The following BCORL1 variants were observed in gnomAD, a reference collection of about 807,000 sequenced individuals.
BCORL1 encodes the protein BCL6 corepressor like 1.
Under a neutral mutation model 87.6 loss-of-function variants are expected in BCORL1, and 7 were observed. The observed-to-expected ratio is 0.08, with a 90% CI of 0.05 to 0.15. The LOEUF is 0.15. BCORL1 is among the 10% of genes least tolerant of loss of function. The probability of loss-of-function intolerance (pLI) is 1.00; values close to 1 mark genes in which losing one functional copy is unlikely to be tolerated. For synonymous variants in BCORL1, 591 were observed against 634.4 expected, an observed-to-expected ratio of 0.93 and a Z score of 1.03; for missense variants, 1,215 against 1,499.7, an observed-to-expected ratio of 0.81 and a Z score of 3.13.
chrX:130,022,236 CTTTTTTTTTTTTTTT>C (rs34598574), intron 5 of BCORL1, among the ~76,000 whole-genome samples: 2 of 56,312 alleles, frequency 3.6e-5, no homozygotes, highest in Middle Eastern at 0.011. Context: ...TTCTTTCTTT[CTTTTTTTTTTTTTTT>C]TTTTTTTTTT....
chrX:130,013,852 A>C lies in BCORL1; in HGVS notation c.1080A>C (p.Pro360=). 8.6e-7 allele frequency: 1 copy of C among 1,160,416 alleles called. No homozygotes were observed. The highest frequency in any genetic ancestry group is 1.1e-6 in the Non-Finnish European group (1 of 871,162). The change falls in exon 4 of 14, where the codon CCA becomes CCC. Residue 360 remains proline, a synonymous_variant. Transcript: ENST00000540052. ...PAPPSVPMPT[P]TPSSGPPSTP... ...CTCCGTCTGTGCCCATGCCCACTCCAACCCCATCTTCCGGCCCACCTTCTA... is the reference window on the plus strand; with the variant it reads ...CTCCGTCTGTGCCCATGCCCACTCCCACCCCATCTTCCGGCCCACCTTCTA...
rs1930826668 is a variant in BCORL1, at chrX:130,034,621, T to C, written c.4472T>C (p.Val1491Ala). 1.0e-6 allele frequency: 1 copy of C among 982,918 alleles called. No individual in the cohort carries two copies. Among genetic ancestry groups the C allele is most frequent in the Non-Finnish European group, 1.3e-6 (1 of 756,134 alleles). The allele number at this position is 982,918 out of a possible 1,213,427, so 81.0% of individuals were successfully genotyped here. ...QIPPEARRLI[V>A]NKNAGETLLQ... ...CCCCCAGAGGCACGTCGGCTCATAG[T>C]GAACAAAAATGCTGGTGAGACCCTC... is the stretch of plus-strand genomic sequence containing the variant. Residue 1491 changes from valine (V) to alanine (A), a missense_variant, in exon 9 of 14, where the codon GTG becomes GCG. Coordinates refer to ENST00000540052, the MANE Select transcript of BCORL1 (RefSeq NM_001379451.1).
At position 130,043,770 on chromosome X, in the gene BCORL1, A is replaced by ATATG. The variant is rs1458733316; in HGVS notation, c.4840+4491_4840+4492insGTAT. Among the ~76,000 whole-genome samples, 189 of 18,982 alleles carry ATATG rather than the reference A, an allele frequency of 1.0e-2. 10 individuals are homozygous for ATATG. Among genetic ancestry groups the ATATG allele is most frequent in the Middle Eastern group, 0.032 (1 of 31 alleles). The allele number at this position is 18,982 out of a possible 115,157, so 16.5% of individuals were successfully genotyped here. A position where few individuals can be genotyped will look rare whatever the true frequency, so the allele number is the denominator to read the frequency against. Reference sequence around the variant, plus strand: ...GTTATATATATATATATATATATATATATATATATATATATTTTTTTTTTT... The same window carrying ATATG: ...GTTATATATATATATATATATATATATATGTATATATATATATATTTTTTTTTTT... On this transcript the variant is annotated intron_variant, in intron 11 of 13. Transcript: ENST00000540052.
At chrX:130,041,437 G>A (rs1416936456) in intron 11 of BCORL1, among the ~76,000 whole-genome samples, 3 of 111,048 alleles carry the variant, frequency 2.7e-5, no homozygotes, top group African/African-American at 3.3e-5. Context: ...GGGTTCAAGC[G>A]ATTCTCATTC....
intron 1 of BCORL1, among the ~76,000 whole-genome samples, chrX:129,996,507 C>T (rs1281826303): frequency 9.0e-6 from 1 of 111,294 alleles, no homozygotes; most frequent in Non-Finnish European, 1.9e-5. Flanking sequence ...TGTAGAAGAC[C>T]GAGTTGTGTT....
chrX:130,000,479 T>C (rs1927959470), intron 1 of BCORL1, among the ~76,000 whole-genome samples: 1 of 112,394 alleles, frequency 8.9e-6, no homozygotes, highest in Admixed American at 9.5e-5. Context: ...CTTCATAATG[T>C]TAAAAGATAA....
chrX:130,015,384 G>T lies in BCORL1; in HGVS notation c.2612G>T (p.Gly871Val). The change falls in exon 4 of 14, where the codon GGT becomes GTT. Residue 871 changes from glycine to valine, a missense_variant. Around this residue, in one of 5 missense-constraint regions of BCORL1, gnomAD observed 861 missense variants for 1,010.0 expected, o/e 0.85. Coordinates refer to ENST00000540052, the MANE Select transcript of BCORL1 (RefSeq NM_001379451.1). ...ACCAGCGTTGTTTCGGAGTTTTCTGGTGTGCCATCTCTCAGCTCCAGCGAA... is the reference window on the plus strand; with the variant it reads ...ACCAGCGTTGTTTCGGAGTTTTCTGTTGTGCCATCTCTCAGCTCCAGCGAA... ...RPTSVVSEFS[G>V]VPSLSSSEAV... 8.2e-7 allele frequency: 1 copy of T among 1,212,182 alleles called. No individual in the cohort carries two copies. The highest frequency in any genetic ancestry group is 1.1e-6 in the Non-Finnish European group (1 of 895,656).
chrX:130,054,548 T>TGA (rs1251368582), intron 13 of BCORL1, among the ~76,000 whole-genome samples: 2 of 109,784 alleles, frequency 1.8e-5, no homozygotes, highest in Non-Finnish European at 3.8e-5. Flanking sequence ...TGTGTGTGTG[T>TGA]GAGAGAGAGA....
chrX:129,996,308 A>G lies in BCORL1; in HGVS notation c.-44-8880A>G, dbSNP rs755415061. On this transcript the variant is annotated intron_variant, in intron 1 of 13. Transcript: ENST00000540052. ...GATTCAGGGCCAGGCTTCAAGATGAATATTTTCCGGCTCTTTCATTTTTTA... is the reference window on the plus strand; with the variant it reads ...GATTCAGGGCCAGGCTTCAAGATGAGTATTTTCCGGCTCTTTCATTTTTTA... Among the ~76,000 whole-genome samples, 40 of 111,610 alleles carry G rather than the reference A, an allele frequency of 3.6e-4. 1 individual carries two copies. Among genetic ancestry groups the G allele is most frequent in the Non-Finnish European group, 6.2e-4 (33 of 53,094 alleles).
At chrX:130,041,165 G>A (rs898549362) in intron 11 of BCORL1, among the ~76,000 whole-genome samples, 2 of 108,175 alleles carry the variant, frequency 1.8e-5, no homozygotes, top group Admixed American at 1.0e-4. Flanking sequence ...CCGGCCAGGA[G>A]TTTGAGACCA....
At chrX:130,053,192 A>T (rs1250585066) in intron 13 of BCORL1, among the ~76,000 whole-genome samples, 2 of 111,821 alleles carry the variant, frequency 1.8e-5, no homozygotes, top group Non-Finnish European at 3.8e-5. Context: ...TGTGCACAGG[A>T]TGGGGAGCTA....
intron 1 of BCORL1, among the ~76,000 whole-genome samples, chrX:129,989,302 ATTTTTTTTT>A (rs34124916): frequency 2.8e-5 from 2 of 71,725 alleles, no homozygotes; most frequent in African/African-American, 1.1e-4. Flanking sequence ...TGCCCGGCTA[ATTTTTTTTT>A]TTTTTTTTTT....
At chrX:130,046,757 A>G (rs1345911318) in intron 11 of BCORL1, among the ~76,000 whole-genome samples, 1 of 110,926 alleles carries the variant, frequency 9.0e-6, no homozygotes, top group Non-Finnish European at 1.9e-5. Flanking sequence ...CGTGTTAGCC[A>G]GGATGGTCTT....
At chrX:130,023,405 G>A (rs188069844) in intron 6 of BCORL1, among the ~76,000 whole-genome samples, 64 of 111,594 alleles carry the variant, frequency 5.7e-4, no homozygotes, top group Non-Finnish European at 9.0e-4. Flanking sequence ...TCATTGAATC[G>A]TCAGGGCTGG....
chrX:130,028,885 G>T (rs747968055), intron 8 of BCORL1, 24 bp downstream of exon 8: 6 of 913,838 alleles, frequency 6.6e-6, no homozygotes, highest in Non-Finnish European at 2.9e-6. Flanking sequence ...AAGGGGTATT[G>T]TAGAAGGTGT....
intron 1 of BCORL1, among the ~76,000 whole-genome samples, chrX:129,990,997 G>T (rs1927100026): frequency 8.9e-6 from 1 of 112,020 alleles, no homozygotes; most frequent in African/African-American, 3.2e-5. Context: ...GTGCAGTGGC[G>T]TGATCTCGGC....
rs1234420596 is a variant in BCORL1, at chrX:130,021,038, G to A, written c.3495G>A (p.Gly1165=). The stretch of plus-strand genomic sequence containing the variant: ...AATCCACCAAGAAAAGCCCCAGGGG[G>A]GCTTCAGATTCAGGAAAAGAGCACA... ...PQESTKKSPR[G]ASDSGKEHNG... The change falls in exon 5 of 14, where the codon GGG becomes GGA. Residue 1165 remains glycine, a synonymous_variant. Transcript: ENST00000540052. 2.5e-6 allele frequency: 3 copies of A among 1,187,366 alleles called. No homozygotes were observed. The highest frequency in any genetic ancestry group is 2.4e-5 in the Admixed American group (1 of 40,961).
intron 6 of BCORL1, among the ~76,000 whole-genome samples, chrX:130,024,354 G>C (rs1930069565): frequency 9.0e-6 from 1 of 111,118 alleles, no homozygotes; most frequent in African/African-American, 3.3e-5. Context: ...CAATTTAAGG[G>C]AAGTGGGCGT....
rs148645627 is a variant in BCORL1 at position 130,014,719 on chromosome X, C to T, written c.1947C>T (p.Pro649=). The change falls in exon 4 of 14, where the codon CCC becomes CCT. Residue 649 remains proline, a synonymous_variant. Transcript: ENST00000540052. ...CACCCCCCATGCCTGTGTTGACCCC[C>T]GTGCACACCAGCAGCAAGGCCCTCC... The part of the protein sequence containing the change: ...RKTPPMPVLT[P]VHTSSKALLS... The T allele has an allele frequency of 1.5e-4, 179 of 1,209,142 alleles. No individual in the cohort carries two copies. The highest frequency in any genetic ancestry group is 8.6e-4 in the African/African-American group (49 of 56,931).
Sources: gnomAD v4.1 joint callset for allele counts (sites outside exome capture counted in the v4.1 genomes callset) on GRCh38, gnomAD v4.1.1 for gene constraint, gnomAD v4.1.1 regional missense constraint, MANE v1.5 for transcripts, NCBI Gene and HGNC (gene_info 2026-07-23, HGNC 2026-07-21) for gene names.